Variants in TCTN2 observed in about 807,000 individuals in gnomAD.
The protein encoded by TCTN2 is tectonic family member 2.
A neutral mutation model predicts 83.4 loss-of-function variants in TCTN2; 66 were observed. The observed-to-expected ratio is 0.79, with a 90% confidence interval of 0.65 to 0.97. TCTN2 has a LOEUF of 0.97. Among genes scored for constraint, TCTN2 ranks in the 50% least tolerant of loss-of-function variants. The pLI, the probability that TCTN2 is intolerant of heterozygous loss-of-function variation, is 0.00. For missense variants in TCTN2, 794 were observed against 858.1 expected, an observed-to-expected ratio of 0.93 and a Z score of 0.93; for synonymous variants, 301 against 326.7, an observed-to-expected ratio of 0.92 and a Z score of 0.85.
At chr12:123,707,579 T>C (rs1281254814) in intron 17 of TCTN2, 25 bp from the exon 18 acceptor site, 1 of 1,601,566 alleles carries the variant, frequency 6.2e-7, no homozygotes, top group African/African-American at 1.3e-5. Flanking sequence ...AATACTGCTG[T>C]TGAATTTTGT....
chr12:123,697,909 C>T (rs990060176), intron 13 of TCTN2, among the ~76,000 whole-genome samples: 5 of 147,878 alleles, frequency 3.4e-5, no homozygotes, highest in Non-Finnish European at 6.0e-5. Context: ...TTCCCAGGCT[C>T]GGGTGCAGTG....
At chr12:123,688,215 T>A in intron 7 of TCTN2, 38 bp downstream of exon 7, 1 of 609,586 alleles carries the variant, frequency 1.6e-6, no homozygotes, top group African/African-American at 1.9e-5. Flanking sequence ...ACCGTTCTCT[T>A]TTTTTTTTTT....
intron 7 of TCTN2, among the ~76,000 whole-genome samples, 191 bp downstream of exon 7, chr12:123,688,368 A>C (rs1169318734): frequency 6.6e-6 from 1 of 151,832 alleles, no homozygotes; most frequent in East Asian, 1.9e-4. Flanking sequence ...GGTGTGTGCC[A>C]CCGCACCCAG....
chr12:123,700,618 A>G (rs1417153755), intron 14 of TCTN2, among the ~76,000 whole-genome samples: 1 of 152,076 alleles, frequency 6.6e-6, no homozygotes, highest in Non-Finnish European at 1.5e-5. Context: ...TTTTAAATAG[A>G]GACGGGGTTT....
intron 14 of TCTN2, among the ~76,000 whole-genome samples, chr12:123,702,280 C>T (rs940591019): frequency 5.9e-5 from 9 of 152,222 alleles, no homozygotes; most frequent in Non-Finnish European, 1.3e-4. Flanking sequence ...TCTCCTCTGC[C>T]TGGTGGGTAG....
intron 7 of TCTN2, among the ~76,000 whole-genome samples, chr12:123,688,467 A>G (rs990837729): frequency 6.6e-6 from 1 of 152,076 alleles, no homozygotes; most frequent in South Asian, 2.1e-4. Context: ...CTAGTGCCTC[A>G]GCCTCCCAAA....
intron 2 of TCTN2, 22 bp from the exon 3 acceptor site, chr12:123,672,034 C>T (rs1001308827): frequency 3.1e-6 from 5 of 1,610,694 alleles, no homozygotes; most frequent in Admixed American, 3.3e-5. Context: ...GCTGCCTTTG[C>T]ATGCTGGTCT....
At chr12:123,695,577 A>T in intron 11 of TCTN2, 1 of 236,900 alleles carries the variant, frequency 4.2e-6, no homozygotes, top group Non-Finnish European at 7.6e-6. Flanking sequence ...GCACACCACC[A>T]TGCCTGGCTT....
rs1374327892 is a variant in TCTN2 at position 123,694,992 on chromosome 12, G to T, written c.1234+16G>T. 1.2e-6 allele frequency: 2 copies of T among 1,612,316 alleles called. No individual in the cohort carries two copies. The highest frequency in any genetic ancestry group is 8.5e-7 in the Non-Finnish European group (1 of 1,179,268). ...CACCAGAAAGGTAACTTTGATGAGG[G>T]TAGCAAGCATGCTTTCACTGAAAAG... On this transcript the variant is annotated intron_variant, in intron 10 of 17. Coordinates refer to ENST00000303372, the MANE Select transcript of TCTN2 (RefSeq NM_024809.5).
intron 7 of TCTN2, among the ~76,000 whole-genome samples, 178 bp downstream of exon 7, chr12:123,688,355 A>G (rs565353872): frequency 2.6e-5 from 4 of 151,812 alleles, no homozygotes; most frequent in Admixed American, 6.6e-5. Flanking sequence ...AGCTGGGACT[A>G]CAGGTGTGTG....
chr12:123,702,641 CT>C (rs1349332630), intron 14 of TCTN2, among the ~76,000 whole-genome samples: 2 of 152,174 alleles, frequency 1.3e-5, no homozygotes, highest in African/African-American at 2.4e-5. Context: ...AGAGGTCGAG[CT>C]TGTCAAGCCC....
rs1955886097 is a variant in TCTN2 at position 123,680,519 on chromosome 12, TC to T, written c.564+1231del. Among the ~76,000 whole-genome samples, 4 of 149,906 alleles carry T rather than the reference TC, an allele frequency of 2.7e-5. No individual in the cohort carries two copies. In the South Asian group the frequency reaches 8.4e-4, roughly 32 times the overall value. ...AACTCTATTTTCTTTCTTTTTTCTT[TC>T]TTTTTTTTTTTTTTGAGACAGAGTC... On this transcript the variant is annotated intron_variant, in intron 5 of 17. Transcript: ENST00000303372.
At chr12:123,681,648 T>C (rs1955901003) in intron 5 of TCTN2, among the ~76,000 whole-genome samples, 1 of 152,240 alleles carries the variant, frequency 6.6e-6, no homozygotes. Flanking sequence ...TATTGGCTAA[T>C]GGACATTTGA....
intron 4 of TCTN2, among the ~76,000 whole-genome samples, chr12:123,677,111 T>C (rs1002030075): frequency 1.3e-5 from 2 of 151,994 alleles, no homozygotes; most frequent in Non-Finnish European, 2.9e-5. Context: ...CCTGGGAGGT[T>C]GAGGCTGCAG....
rs181772359 is a variant in TCTN2 at position 123,697,237 on chromosome 12, G to A, written c.1505+39G>A. 1.2e-4 allele frequency: 177 copies of A among 1,419,916 alleles called. No individual in the cohort carries two copies. In the East Asian group the frequency reaches 3.9e-3, roughly 32 times the overall value. 88.0% of individuals were successfully genotyped at this position (1,419,916 alleles called of 1,614,324 possible). The stretch of plus-strand genomic sequence containing the variant: ...TGATGAATATATCGGCAATGTGAAT[G>A]GTTTGCCTAGAATTAATTCACTACA... On this transcript the variant is annotated intron_variant, in intron 13 of 17. Transcript: ENST00000303372.
At chr12:123,681,851 C>G (rs535500671) in intron 5 of TCTN2, among the ~76,000 whole-genome samples, 178 of 152,254 alleles carry the variant, frequency 1.2e-3, no homozygotes, top group African/African-American at 4.0e-3. Flanking sequence ...TTCCCATCAG[C>G]AATGTATGTG....
At chr12:123,700,082 G>A in intron 14 of TCTN2, 1 of 521,442 alleles carries the variant, frequency 1.9e-6, no homozygotes. Context: ...TGCAATCACA[G>A]CTCATTGCCT....
intron 14 of TCTN2, 87 bp downstream of exon 14, chr12:123,699,897 G>T: frequency 9.6e-7 from 1 of 1,040,424 alleles, no homozygotes; most frequent in South Asian, 1.3e-5. Flanking sequence ...CAACCCAGTA[G>T]GTCATCTTCC....
chr12:123,702,211 T>C (rs1170102925), intron 14 of TCTN2, among the ~76,000 whole-genome samples: 2 of 152,212 alleles, frequency 1.3e-5, no homozygotes, highest in Non-Finnish European at 2.9e-5. Context: ...AAGAGCCCAA[T>C]GAGTGTGCGC....
Sources: gnomAD v4.1 joint callset for allele counts (sites outside exome capture counted in the v4.1 genomes callset) on GRCh38, gnomAD v4.1.1 for gene constraint, MANE v1.5 for transcripts, NCBI Gene and HGNC (gene_info 2026-07-23, HGNC 2026-07-21) for gene names.